SSBP3: variants seen among roughly 807,000 people sequenced by gnomAD.
The protein encoded by SSBP3 is single-stranded DNA-binding protein 3.
A neutral mutation model predicts 69.6 loss-of-function variants in SSBP3; 5 were observed. The observed-to-expected ratio is 0.07, with a 90% confidence interval of 0.04 to 0.15. The LOEUF is 0.15. Among genes scored for constraint, SSBP3 ranks in the 10% least tolerant of loss-of-function variants. The pLI, the probability that SSBP3 is intolerant of heterozygous loss-of-function variation, is 1.00. For missense variants in SSBP3, 312 were observed against 534.0 expected (o/e 0.58, Z 4.10); for synonymous variants, 196 against 193.4 (o/e 1.01, Z -0.11).
chr1:54,277,564 C>G (rs1374656593), intron 5 of SSBP3, among the ~76,000 whole-genome samples: 1 of 152,212 alleles, frequency 6.6e-6, no homozygotes, highest in Non-Finnish European at 1.5e-5. Context: ...CTGAGTCTCA[C>G]TTTCCCAATC....
chr1:54,369,925 T>C (rs1647100559), intron 4 of SSBP3, among the ~76,000 whole-genome samples: 1 of 152,162 alleles, frequency 6.6e-6, no homozygotes, highest in Non-Finnish European at 1.5e-5. Context: ...CCATGAAGCT[T>C]TGTGTGATAT....
intron 4 of SSBP3, among the ~76,000 whole-genome samples, chr1:54,293,324 G>T (rs1022378751): frequency 1.3e-5 from 2 of 152,032 alleles, no homozygotes; most frequent in African/African-American, 2.4e-5. Context: ...CACGCGGGCT[G>T]GTCAGAGGCT....
intron 6 of SSBP3, 115 bp downstream of exon 6, chr1:54,257,954 A>G (rs1644951758): frequency 1.0e-6 from 1 of 964,468 alleles, no homozygotes; most frequent in Non-Finnish European, 1.5e-6. Context: ...ATTTGTCAAT[A>G]AAGACTCGCA....
intron 4 of SSBP3, among the ~76,000 whole-genome samples, chr1:54,321,654 G>A (rs868532735): frequency 5.9e-5 from 9 of 152,242 alleles, no homozygotes; most frequent in Admixed American, 2.6e-4. Flanking sequence ...CAAGTCAAAC[G>A]AAGAATGCAC....
chr1:54,362,623 G>A (rs1160677037), intron 4 of SSBP3, among the ~76,000 whole-genome samples: 5 of 152,226 alleles, frequency 3.3e-5, no homozygotes, highest in Non-Finnish European at 1.5e-5. Flanking sequence ...GGAACACTCA[G>A]TGGTATATCC....
At chr1:54,252,218 G>A (rs1215523862) in intron 7 of SSBP3, among the ~76,000 whole-genome samples, 2 of 152,212 alleles carry the variant, frequency 1.3e-5, no homozygotes, top group African/African-American at 2.4e-5. Context: ...TCCTCTCAGA[G>A]GCAGCAGTGC....
intron 3 of SSBP3, among the ~76,000 whole-genome samples, chr1:54,403,211 G>A (rs1649430847): frequency 6.6e-6 from 1 of 152,204 alleles, no homozygotes; most frequent in Non-Finnish European, 1.5e-5. Context: ...GATAAGGATG[G>A]AGAAGTTTCA....
chr1:54,287,482 A>G (rs1434316153), intron 4 of SSBP3: 1 of 152,226 alleles, frequency 6.6e-6, no homozygotes, highest in Non-Finnish European at 1.5e-5. Context: ...AATGGAGGTC[A>G]CTCAAGGGAG....
chr1:54,263,689 C>A (rs1645053346), intron 5 of SSBP3, among the ~76,000 whole-genome samples: 2 of 152,376 alleles, frequency 1.3e-5, no homozygotes, highest in Admixed American at 6.5e-5. Context: ...AAACACAGAA[C>A]CTTTCCTTAC....
chr1:54,280,874 C>A (rs1299388288), intron 5 of SSBP3, among the ~76,000 whole-genome samples: 1 of 152,072 alleles, frequency 6.6e-6, no homozygotes, highest in African/African-American at 2.4e-5. Context: ...GCGGGCAGAG[C>A]ACGGGCACAG....
chr1:54,337,658 A>G, intron 4 of SSBP3, among the ~76,000 whole-genome samples: 1 of 151,074 alleles, frequency 6.6e-6, no homozygotes, highest in East Asian at 2.0e-4. Flanking sequence ...ACCACACCCG[A>G]CTAATTTTTG....
chr1:54,300,769 A>G (rs1042049936), intron 4 of SSBP3, among the ~76,000 whole-genome samples: 2 of 152,230 alleles, frequency 1.3e-5, no homozygotes, highest in African/African-American at 4.8e-5. Context: ...CAAAATGTCC[A>G]TTCCATGGAT....
At chr1:54,374,262 A>G (rs923434339) in intron 4 of SSBP3, among the ~76,000 whole-genome samples, 1 of 152,204 alleles carries the variant, frequency 6.6e-6, no homozygotes, top group Non-Finnish European at 1.5e-5. Context: ...GGGGATCCAG[A>G]GACTGGGTAG....
chr1:54,322,857 A>T (rs997702010), intron 4 of SSBP3, among the ~76,000 whole-genome samples: 3 of 152,164 alleles, frequency 2.0e-5, no homozygotes, highest in Non-Finnish European at 4.4e-5. Context: ...CCAACATAAA[A>T]CAGGAACCCA....
chr1:54,386,651 A>G (rs552642656), intron 4 of SSBP3, among the ~76,000 whole-genome samples: 2 of 143,256 alleles, frequency 1.4e-5, no homozygotes, highest in East Asian at 4.0e-4. Context: ...TTCTCTGGCT[A>G]GCTTCAATCC....
At chr1:54,394,902 A>G (rs1303738397) in intron 4 of SSBP3, among the ~76,000 whole-genome samples, 3 of 151,098 alleles carry the variant, frequency 2.0e-5, no homozygotes. Context: ...ATGGGGTTTC[A>G]CCATGTTAGC....
intron 4 of SSBP3, among the ~76,000 whole-genome samples, chr1:54,318,581 C>T (rs1449383720): frequency 6.6e-6 from 1 of 152,268 alleles, no homozygotes; most frequent in South Asian, 2.1e-4. Flanking sequence ...GAGGATAAAG[C>T]TTTCCAAGCA....
At chr1:54,378,220 C>T (rs996594551) in intron 4 of SSBP3, among the ~76,000 whole-genome samples, 2 of 152,214 alleles carry the variant, frequency 1.3e-5, no homozygotes, top group Admixed American at 1.3e-4. Context: ...AACTTTCTTT[C>T]ATGGATAGAT....
chr1:54,364,499 A>G lies in SSBP3; in HGVS notation c.276+37362T>C, dbSNP rs1396587519. 2.0e-5 allele frequency among the ~76,000 whole-genome samples: 3 copies of G among 152,342 alleles called. No individual in the cohort carries two copies. In the East Asian group the frequency reaches 5.8e-4, roughly 29 times the overall value. On this transcript the variant is annotated intron_variant, in intron 4 of 17. Transcript: ENST00000610401. ...CCCAACCTAGCACTCTGTTTAACAA[A>G]GAGGAAGGGGTGAGGCTTCTCAAAA... is the stretch of plus-strand genomic sequence containing the variant.
Sources: allele counts gnomAD v4.1 joint callset (sites outside exome capture counted in the v4.1 genomes callset), GRCh38; gene constraint gnomAD v4.1.1; transcripts MANE v1.5; gene names NCBI Gene and HGNC (gene_info 2026-07-23, HGNC 2026-07-21).